RPS6KC1: variants seen among roughly 807,000 people sequenced by gnomAD.
RPS6KC1 encodes the protein inactive ribosomal protein S6 kinase delta-1.
RPS6KC1 carries 54 observed loss-of-function variants against 103.8 expected under a neutral mutation model. The ratio of observed to expected loss-of-function variants is 0.52; its 90% CI spans 0.42 to 0.65. RPS6KC1 has a LOEUF of 0.65. Among genes scored for constraint, RPS6KC1 ranks in the 30% least tolerant of loss-of-function variants. The pLI is 0.00. For missense variants in RPS6KC1, 1,151 were observed against 1,253.8 expected (o/e 0.92, Z 1.24); for synonymous variants, 439 against 438.7 (o/e 1.00, Z -0.01).
chr1:213,748,889 G>A, the RPS6KC1 span, among the ~76,000 whole-genome samples: 1 of 152,168 alleles, frequency 6.6e-6, no homozygotes, highest in Non-Finnish European at 1.5e-5. Context: ...TCTCCCAGGA[G>A]AATCTGTTTG....
the RPS6KC1 span, among the ~76,000 whole-genome samples, chr1:213,781,876 TGA>T: frequency 6.6e-6 from 1 of 152,182 alleles, no homozygotes; most frequent in Non-Finnish European, 1.5e-5. Context: ...AAATCATTGT[TGA>T]GGATTCAGAA....
chr1:213,116,087 A>C (rs2083568497), intron 4 of RPS6KC1, among the ~76,000 whole-genome samples: 1 of 151,880 alleles, frequency 6.6e-6, no homozygotes. Context: ...TGCAGAGCTG[A>C]GTTCAATTCC....
chr1:213,222,162 C>T (rs1189539498), intron 8 of RPS6KC1, among the ~76,000 whole-genome samples: 5 of 152,146 alleles, frequency 3.3e-5, no homozygotes, highest in Non-Finnish European at 7.4e-5. Flanking sequence ...GGGAACATTG[C>T]TAACCTTTTT....
At chr1:213,796,310 A>C in the RPS6KC1 span, among the ~76,000 whole-genome samples, 1 of 152,196 alleles carries the variant, frequency 6.6e-6, no homozygotes, top group Non-Finnish European at 1.5e-5. Flanking sequence ...CAATGGGAGA[A>C]CAATAGATTG....
chr1:213,376,675 C>A, the RPS6KC1 span, among the ~76,000 whole-genome samples: 1 of 152,170 alleles, frequency 6.6e-6, no homozygotes, highest in Non-Finnish European at 1.5e-5. Flanking sequence ...TTGTGCAGTG[C>A]AGAGAGTGGG....
At chr1:213,857,448 A>AG in the RPS6KC1 span, among the ~76,000 whole-genome samples, 3 of 152,200 alleles carry the variant, frequency 2.0e-5, no homozygotes, top group Non-Finnish European at 4.4e-5. Context: ...TCTCAGGGGC[A>AG]GCCTTTACTC....
At chr1:213,230,101 T>C (rs975203675) in intron 8 of RPS6KC1, among the ~76,000 whole-genome samples, 17 of 152,190 alleles carry the variant, frequency 1.1e-4, no homozygotes, top group Admixed American at 5.2e-4. Flanking sequence ...GATCACATTA[T>C]AGCAAGTTGC....
chr1:213,272,713 CAGTT>C lies in RPS6KC1; in HGVS notation c.*81_*84del. The C allele has an allele frequency of 9.8e-7, 1 of 1,018,890 alleles. No homozygotes were observed. The highest frequency in any genetic ancestry group is 1.5e-6 in the Non-Finnish European group (1 of 650,488). The allele number at this position is 1,018,890 out of a possible 1,614,324, so 63.1% of individuals were successfully genotyped here. A position where few individuals can be genotyped will look rare whatever the true frequency, so the allele number is the denominator to read the frequency against. On this transcript the variant is annotated 3_prime_UTR_variant, in exon 15 of 15. Coordinates refer to ENST00000366960, the MANE Select transcript of RPS6KC1 (RefSeq NM_012424.6). Reference sequence around the variant, plus strand: ...CCAGCACTGAGGCACCTCTGACTCACAGTTACTTATGGAGCACCAAAGCATTTGG... The same window carrying C: ...CCAGCACTGAGGCACCTCTGACTCACACTTATGGAGCACCAAAGCATTTGG...
the RPS6KC1 span, among the ~76,000 whole-genome samples, chr1:213,399,067 AC>A: frequency 1.3e-5 from 2 of 152,332 alleles, no homozygotes; most frequent in Middle Eastern, 6.8e-3. Flanking sequence ...AGTTAACAGG[AC>A]TGTTTAGCTA....
intron 8 of RPS6KC1, among the ~76,000 whole-genome samples, chr1:213,228,053 G>C (rs1364468728): frequency 6.6e-6 from 1 of 152,118 alleles, no homozygotes; most frequent in South Asian, 2.1e-4. Context: ...TAAAGAGCTC[G>C]AAGTCTCACT....
chr1:213,719,011 A>G, the RPS6KC1 span, among the ~76,000 whole-genome samples: 4 of 152,244 alleles, frequency 2.6e-5, no homozygotes, highest in Admixed American at 1.3e-4. Flanking sequence ...AAATTGGAGC[A>G]AACACCTGAG....
At chr1:213,213,539 T>C (rs1206187304) in intron 8 of RPS6KC1, among the ~76,000 whole-genome samples, 1 of 152,222 alleles carries the variant, frequency 6.6e-6, no homozygotes, top group Non-Finnish European at 1.5e-5. Context: ...TCTGGGTCTT[T>C]TGCATTTCTA....
chr1:213,804,016 C>T, the RPS6KC1 span, among the ~76,000 whole-genome samples: 1 of 151,190 alleles, frequency 6.6e-6, no homozygotes, highest in African/African-American at 2.4e-5. Context: ...ATGTAAATGA[C>T]AAGTTAATGG....
At chr1:213,478,430 A>T in the RPS6KC1 span, among the ~76,000 whole-genome samples, 1 of 152,172 alleles carries the variant, frequency 6.6e-6, no homozygotes, top group Non-Finnish European at 1.5e-5. Context: ...TGCAAAAAAA[A>T]TTGTCAAACC....
the RPS6KC1 span, among the ~76,000 whole-genome samples, chr1:213,834,691 AAC>A: frequency 6.1e-5 from 9 of 148,304 alleles, no homozygotes; most frequent in African/African-American, 7.5e-5. Context: ...GCCCTTCTCA[AAC>A]ACACACACAC....
At chr1:213,263,927 A>G (rs1460939829) in intron 14 of RPS6KC1, among the ~76,000 whole-genome samples, 2 of 152,080 alleles carry the variant, frequency 1.3e-5, no homozygotes, top group Non-Finnish European at 2.9e-5. Flanking sequence ...GGATTTCAGC[A>G]TGGCAAGGAT....
the RPS6KC1 span, among the ~76,000 whole-genome samples, chr1:213,704,878 T>C: frequency 3.3e-5 from 5 of 152,266 alleles, no homozygotes; most frequent in Non-Finnish European, 7.3e-5. Flanking sequence ...CTTGTAGAGA[T>C]ACTGTCTTAA....
the RPS6KC1 span, among the ~76,000 whole-genome samples, chr1:213,465,728 G>A: frequency 6.6e-5 from 10 of 152,062 alleles, no homozygotes; most frequent in East Asian, 1.9e-4. Flanking sequence ...GACTCTAATC[G>A]GTATTTTTGC....
rs918147650 is a variant in RPS6KC1, at chr1:213,199,444, A to G, written c.1044+22952A>G. ...CAGAAAATGCTTTTGATAAAATTCAACATTTCCTCAGGCTAAAAACTCTCA... is the reference window on the plus strand; with the variant it reads ...CAGAAAATGCTTTTGATAAAATTCAGCATTTCCTCAGGCTAAAAACTCTCA... On this transcript the variant is annotated intron_variant, in intron 8 of 14. Coordinates refer to ENST00000366960, the MANE Select transcript of RPS6KC1 (RefSeq NM_012424.6). Among the ~76,000 whole-genome samples the G allele has an allele frequency of 8.5e-5, 13 of 152,332 alleles. No individual in the cohort carries two copies. The South Asian group carries it at 2.1e-3, about 24-fold the overall frequency.
Sources: gnomAD v4.1 joint callset for allele counts (sites outside exome capture counted in the v4.1 genomes callset) on GRCh38, gnomAD v4.1.1 for gene constraint, MANE v1.5 for transcripts, NCBI Gene and HGNC (gene_info 2026-07-23, HGNC 2026-07-21) for gene names.